Variants in TNFAIP8 observed in about 807,000 individuals in gnomAD.
TNFAIP8 encodes the protein TNF alpha induced protein 8.
Under a neutral mutation model 13.3 loss-of-function variants are expected in TNFAIP8, and 7 were observed. The observed-to-expected ratio is 0.52, with a 90% CI of 0.30 to 0.99. The LOEUF (loss-of-function observed/expected upper bound fraction) is 0.99. Among genes scored for constraint, TNFAIP8 ranks in the 50% least tolerant of loss-of-function variants. The pLI is 0.07. For synonymous variants in TNFAIP8, 94 were observed against 87.6 expected (o/e 1.07, Z -0.41); for missense variants, 258 against 236.9 (o/e 1.09, Z -0.58).
At chr5:119,377,084 A>T (rs879861118) in intron 1 of TNFAIP8, among the ~76,000 whole-genome samples, 1 of 152,214 alleles carries the variant, frequency 6.6e-6, no homozygotes, top group Non-Finnish European at 1.5e-5. Context: ...TGCCTGGCAC[A>T]TAACAGTTGC....
intron 1 of TNFAIP8, among the ~76,000 whole-genome samples, chr5:119,269,458 G>T (rs751330452): frequency 6.6e-6 from 1 of 152,178 alleles, no homozygotes; most frequent in Non-Finnish European, 1.5e-5. Flanking sequence ...GTGTATGTGT[G>T]TGTGTGTACA....
chr5:119,272,174 A>T (rs143702779), intron 1 of TNFAIP8, among the ~76,000 whole-genome samples: 2 of 152,338 alleles, frequency 1.3e-5, no homozygotes, highest in East Asian at 3.9e-4. Flanking sequence ...AGCAGAGCCA[A>T]GGGGTATCTT....
upstream of TNFAIP8, among the ~76,000 whole-genome samples, chr5:119,352,473 C>G (rs1217803514): frequency 2.0e-5 from 3 of 152,112 alleles, no homozygotes; most frequent in Non-Finnish European, 2.9e-5. Context: ...GAACTAGAGG[C>G]TATAGGTCCA....
intron 1 of TNFAIP8, among the ~76,000 whole-genome samples, chr5:119,296,604 G>A (rs898352638): frequency 2.0e-5 from 3 of 152,108 alleles, no homozygotes; most frequent in African/African-American, 4.8e-5. Context: ...GGTTGTGCCT[G>A]TGCCCGGCTT....
At chr5:119,268,873 T>G (rs1334354607) in exon 1 of TNFAIP8, 9 of 700,872 alleles carry the variant, frequency 1.3e-5, no homozygotes, top group Admixed American at 4.0e-5. Context: ...CAGCTCGCGC[T>G]TCAGCGTCCC....
intron 1 of TNFAIP8, among the ~76,000 whole-genome samples, chr5:119,275,011 T>A (rs960874372): frequency 1.5e-4 from 18 of 123,352 alleles, no homozygotes; most frequent in African/African-American, 4.0e-4. Context: ...GATTTTTTTT[T>A]AATTTTTTTT....
intron 1 of TNFAIP8, among the ~76,000 whole-genome samples, chr5:119,307,482 C>T (rs188957715): frequency 6.6e-6 from 1 of 152,280 alleles, no homozygotes; most frequent in East Asian, 1.9e-4. Flanking sequence ...ACCAAACACA[C>T]AAATGAGCAG....
Position 119,397,691 on chromosome 5 carries a change from A to G in TNFAIP8, c.*4310A>G, listed in dbSNP as rs867650652. On this transcript the variant is annotated 3_prime_UTR_variant, in exon 2 of 2. Transcript: ENST00000504771. The stretch of plus-strand genomic sequence containing the variant: ...ATATTGAAGCATTAACCAGAAAATG[A>G]GTCAGCTTTTTGTTTCCAAAATGAT... 1.3e-5 allele frequency: 2 copies of G among 152,362 alleles called. No homozygotes were observed. Among genetic ancestry groups the G allele is most frequent in the Middle Eastern group, 3.4e-3 (1 of 294 alleles). The allele number at this position is 152,362 out of a possible 1,614,324, so 9.4% of individuals were successfully genotyped here. A position where few individuals can be genotyped will look rare whatever the true frequency, so the allele number is the denominator to read the frequency against.
intron 1 of TNFAIP8, chr5:119,333,703 G>T: frequency 8.3e-7 from 1 of 1,204,446 alleles, no homozygotes; most frequent in South Asian, 1.3e-5. Context: ...ATGTTCAGAT[G>T]ACTAACATAG....
At chr5:119,295,611 G>C (rs1379460263) in intron 1 of TNFAIP8, among the ~76,000 whole-genome samples, 2 of 151,972 alleles carry the variant, frequency 1.3e-5, no homozygotes, top group Non-Finnish European at 2.9e-5. Context: ...TTGGCTATGC[G>C]GGCTCTTTTT....
chr5:119,339,555 C>T (rs1366099612), intron 1 of TNFAIP8, among the ~76,000 whole-genome samples: 3 of 151,140 alleles, frequency 2.0e-5, no homozygotes, highest in African/African-American at 7.3e-5. Flanking sequence ...ATTGCCAACC[C>T]CTGATGACAA....
chr5:119,351,782 CTTTTTCTTTTT>C (rs1016551141), upstream of TNFAIP8, among the ~76,000 whole-genome samples: 25 of 137,366 alleles, frequency 1.8e-4, no homozygotes, highest in African/African-American at 8.4e-4. Flanking sequence ...TCTTTCTTTT[CTTTTTCTTTTT>C]TTCTTTTTTT....
chr5:119,369,970 A>C (rs953401549), intron 1 of TNFAIP8, among the ~76,000 whole-genome samples: 35 of 152,224 alleles, frequency 2.3e-4, no homozygotes, highest in African/African-American at 8.4e-4. Flanking sequence ...GGAAACTGAA[A>C]TGAATTGTCT....
At chr5:119,349,593 C>T (rs990322011) in intron 1 of TNFAIP8, among the ~76,000 whole-genome samples, 3 of 152,214 alleles carry the variant, frequency 2.0e-5, no homozygotes, top group Non-Finnish European at 1.5e-5. Flanking sequence ...TTTCCTTGCT[C>T]CTGGCAGCCC....
At chr5:119,282,340 C>CT (rs1748657697) in intron 1 of TNFAIP8, among the ~76,000 whole-genome samples, 1 of 152,174 alleles carries the variant, frequency 6.6e-6, no homozygotes, top group Non-Finnish European at 1.5e-5. Flanking sequence ...AGGATGTGGG[C>CT]TTTTTTCTTT....
intron 1 of TNFAIP8, among the ~76,000 whole-genome samples, chr5:119,363,558 A>G (rs1751711528): frequency 6.6e-6 from 1 of 152,228 alleles, no homozygotes; most frequent in Admixed American, 6.5e-5. Context: ...CAAAATATGC[A>G]GTGGTACATG....
At chr5:119,293,933 T>C (rs1196201912) in intron 1 of TNFAIP8, among the ~76,000 whole-genome samples, 1 of 152,212 alleles carries the variant, frequency 6.6e-6, no homozygotes, top group African/African-American at 2.4e-5. Context: ...TTTACAGTGG[T>C]GGATGTTCTA....
intron 1 of TNFAIP8, among the ~76,000 whole-genome samples, chr5:119,295,995 G>C (rs1459202892): frequency 6.6e-6 from 1 of 150,560 alleles, no homozygotes; most frequent in Non-Finnish European, 1.5e-5. Context: ...AGACTTTGCT[G>C]AAGTTGCTTA....
intron 1 of TNFAIP8, among the ~76,000 whole-genome samples, chr5:119,356,360 C>A (rs1041889104): frequency 1.3e-5 from 2 of 151,972 alleles, no homozygotes; most frequent in Admixed American, 1.3e-4. Context: ...GTTCAGCCAG[C>A]CCACTAAGTC....
Sources: allele counts gnomAD v4.1 joint callset (sites outside exome capture counted in the v4.1 genomes callset), GRCh38; gene constraint gnomAD v4.1.1; transcripts MANE v1.5; gene names NCBI Gene and HGNC (gene_info 2026-07-23, HGNC 2026-07-21).